The following TENM3 variants were observed in gnomAD, a reference collection of about 807,000 sequenced individuals.
The protein encoded by TENM3 is teneurin transmembrane protein 3.
Under a neutral mutation model 255.1 loss-of-function variants are expected in TENM3, and 63 were observed. The observed-to-expected ratio is 0.25, with a 90% CI of 0.20 to 0.30. TENM3 has a LOEUF of 0.30. Among genes scored for constraint, TENM3 ranks in the 10% least tolerant of loss-of-function variants. The pLI is 1.00. For missense variants in TENM3, 2,929 were observed against 3,461.1 expected (o/e 0.85, Z 3.86); for synonymous variants, 1,306 against 1,322.3 (o/e 0.99, Z 0.27).
intron 3 of TENM3, among the ~76,000 whole-genome samples, chr4:182,573,208 T>G (rs1744583320): frequency 6.6e-6 from 1 of 152,266 alleles, no homozygotes; most frequent in Admixed American, 6.5e-5. Context: ...TATCTCAGCA[T>G]TGTCAGGATT....
chr4:182,395,027 A>G (rs1308359921), intron 3 of TENM3, among the ~76,000 whole-genome samples: 2 of 152,210 alleles, frequency 1.3e-5, no homozygotes, highest in African/African-American at 4.8e-5. Flanking sequence ...CATTCAATAT[A>G]TAGGCTCTCA....
chr4:182,538,766 A>T (rs1206299004), intron 3 of TENM3, among the ~76,000 whole-genome samples: 1 of 152,154 alleles, frequency 6.6e-6, no homozygotes, highest in East Asian at 1.9e-4. Context: ...GTATGGATGT[A>T]AAAGCAAAGG....
intron 13 of TENM3, among the ~76,000 whole-genome samples, chr4:182,725,489 A>T (rs1760089019): frequency 6.6e-6 from 1 of 152,168 alleles, no homozygotes; most frequent in Admixed American, 6.5e-5. Flanking sequence ...AGCCAATAGC[A>T]TAGTATAGTC....
chr4:182,044,149 G>A, the TENM3 span, among the ~76,000 whole-genome samples: 3,714 of 152,064 alleles, frequency 0.024, 156 homozygotes, highest in African/African-American at 0.083. Flanking sequence ...TCTTGATGAG[G>A]AAACAAAAGT....
chr4:182,349,551 A>G (rs1207512357), intron 3 of TENM3, among the ~76,000 whole-genome samples: 1 of 152,166 alleles, frequency 6.6e-6, no homozygotes, highest in African/African-American at 2.4e-5. Flanking sequence ...ATATTAAAAA[A>G]TTATGTGTCT....
intron 21 of TENM3, 61 bp downstream of exon 21, chr4:182,753,665 G>A (rs921081356): frequency 1.6e-5 from 24 of 1,508,208 alleles, no homozygotes; most frequent in Middle Eastern, 1.7e-4. Context: ...TTATTCAGTC[G>A]GTAGACTATG....
At chr4:182,771,498 TG>T (rs35700441) in intron 22 of TENM3, among the ~76,000 whole-genome samples, 14,582 of 139,846 alleles carry the variant, frequency 0.1, 1,003 homozygotes, top group South Asian at 0.25. Flanking sequence ...GTCTCTGAAA[TG>T]GGGGGGGGGG....
At chr4:181,686,348 G>A in the TENM3 span, among the ~76,000 whole-genome samples, 8 of 152,200 alleles carry the variant, frequency 5.3e-5, no homozygotes, top group South Asian at 8.3e-4. Flanking sequence ...TTCTTAGTTC[G>A]TGATGTAAGC....
At chr4:182,238,253 A>T (rs138863722) in intron 1 of TENM3, among the ~76,000 whole-genome samples, 1 of 152,196 alleles carries the variant, frequency 6.6e-6, no homozygotes, top group East Asian at 1.9e-4. Flanking sequence ...ACTGTCTATC[A>T]AAATGACTTC....
At chr4:181,470,077 G>A in the TENM3 span, among the ~76,000 whole-genome samples, 1 of 114,922 alleles carries the variant, frequency 8.7e-6, no homozygotes, top group Non-Finnish European at 1.8e-5. Flanking sequence ...TGCAAGATTT[G>A]CTAATTGAGA....
the TENM3 span, among the ~76,000 whole-genome samples, chr4:181,962,484 A>G: frequency 1.3e-5 from 2 of 152,234 alleles, no homozygotes; most frequent in East Asian, 1.9e-4. Context: ...AGTGGATACC[A>G]TGCCAGGAAA....
chr4:181,678,577 AATAG>A, the TENM3 span, among the ~76,000 whole-genome samples: 3 of 152,214 alleles, frequency 2.0e-5, no homozygotes, highest in South Asian at 6.2e-4. Flanking sequence ...ATGGAAAGAA[AATAG>A]ATAGGCATAA....
intron 19 of TENM3, among the ~76,000 whole-genome samples, chr4:182,744,730 T>C (rs183414815): frequency 5.9e-4 from 90 of 152,348 alleles, no homozygotes; most frequent in African/African-American, 2.1e-3. Context: ...GTTTATATTT[T>C]CCTAAGTTGG....
chr4:181,467,125 A>ATTTTTTT, the TENM3 span, among the ~76,000 whole-genome samples: 5 of 17,608 alleles, frequency 2.8e-4, no homozygotes, highest in African/African-American at 9.9e-4. Context: ...ATATATATAT[A>ATTTTTTT]TTTTTTTTTT....
Position 182,792,859 on chromosome 4 carries a change from T to G in TENM3, c.6187T>G (p.Tyr2063Asp). Residue 2063 changes from tyrosine (Y) to aspartate (D), a missense_variant, in exon 26 of 28, where the codon TAT (tyrosine) becomes GAT (aspartate). By Grantham distance (160) the Tyr-to-Asp change is radical (BLOSUM62 -3). This residue lies in a region of TENM3 where 256 missense variants were observed against 389.3 expected (regional missense o/e 0.66). Coordinates refer to ENST00000511685, the MANE Select transcript of TENM3 (RefSeq NM_001080477.4). The surrounding 1 kb of genome is among the most constrained non-coding windows in gnomAD (Gnocchi z 6.3). ...GCAGTTTGGAAAGTTTGGAGTTATA[T>G]ATTATGATATTAACCAGATCATTTC... is the stretch of plus-strand genomic sequence containing the variant. ...VEQFGKFGVI[Y>D]YDINQIISTA... is the part of the protein sequence containing the mutation. 6.2e-7 allele frequency: 1 copy of G among 1,613,846 alleles called. No individual in the cohort carries two copies.
chr4:182,261,470 C>A (rs1265427037), intron 1 of TENM3, among the ~76,000 whole-genome samples: 1 of 152,120 alleles, frequency 6.6e-6, no homozygotes, highest in Non-Finnish European at 1.5e-5. Flanking sequence ...ATGTCAGCAC[C>A]CCGTGTTTGT....
chr4:182,043,217 G>T, the TENM3 span, among the ~76,000 whole-genome samples: 1 of 152,116 alleles, frequency 6.6e-6, no homozygotes, highest in African/African-American at 2.4e-5. Context: ...TAAAACTCTG[G>T]AATGAATAGC....
At chr4:181,845,677 T>C in the TENM3 span, among the ~76,000 whole-genome samples, 1 of 152,236 alleles carries the variant, frequency 6.6e-6, no homozygotes, top group Non-Finnish European at 1.5e-5. Context: ...ACATGACTGG[T>C]AAGACCTTCC....
At chr4:182,089,005 G>A in the TENM3 span, among the ~76,000 whole-genome samples, 36 of 152,254 alleles carry the variant, frequency 2.4e-4, no homozygotes, top group African/African-American at 7.5e-4. Flanking sequence ...CTTAATGAAT[G>A]GGATTAGCAC....
Sources: allele counts gnomAD v4.1 joint callset (sites outside exome capture counted in the v4.1 genomes callset), GRCh38; gene constraint gnomAD v4.1.1; regional missense constraint gnomAD v4.1.1; non-coding constraint Gnocchi (gnomAD v3.1); transcripts MANE v1.5; gene names NCBI Gene and HGNC (gene_info 2026-07-23, HGNC 2026-07-21).